The following AGBL4 variants were observed in gnomAD, a reference collection of about 807,000 sequenced individuals.
AGBL4 encodes AGBL carboxypeptidase 4, also known as cytosolic carboxypeptidase 6.
Under a neutral mutation model 66.4 loss-of-function variants are expected in AGBL4, and 58 were observed. The observed-to-expected ratio is 0.87, with a 90% confidence interval of 0.71 to 1.09. The LOEUF is 1.09. AGBL4 is among the 50% of genes least tolerant of loss of function. The pLI is 0.00. For synonymous variants in AGBL4, 234 were observed against 222.9 expected (o/e 1.05, Z -0.44); for missense variants, 579 against 631.0 (o/e 0.92, Z 0.88).
At chr1:49,731,747 C>G (rs1421173526) in intron 2 of AGBL4, among the ~76,000 whole-genome samples, 2 of 151,982 alleles carry the variant, frequency 1.3e-5, no homozygotes, top group Non-Finnish European at 2.9e-5. Context: ...AAATTAATAC[C>G]TTGAAAAGTA....
intron 3 of AGBL4, among the ~76,000 whole-genome samples, chr1:49,692,386 A>C (rs982861184): frequency 1.3e-5 from 2 of 152,152 alleles, no homozygotes; most frequent in Non-Finnish European, 2.9e-5. Flanking sequence ...GGCCAGGATG[A>C]AATTTCAGAG....
chr1:48,817,793 C>G, intron 6 of AGBL4: 1 of 460,102 alleles, frequency 2.2e-6, no homozygotes, highest in Non-Finnish European at 3.9e-6. Context: ...CCCACACATC[C>G]TGATATGTCA....
intron 1 of AGBL4, among the ~76,000 whole-genome samples, chr1:49,931,565 G>A (rs1653365788): frequency 6.6e-6 from 1 of 152,018 alleles, no homozygotes; most frequent in Non-Finnish European, 1.5e-5. Context: ...AACAGCAAGG[G>A]GGAAATTCGC....
intron 3 of AGBL4, among the ~76,000 whole-genome samples, chr1:49,281,426 C>T (rs551288971): frequency 4.9e-4 from 75 of 152,248 alleles, no homozygotes; most frequent in African/African-American, 1.7e-3. Context: ...CACACCAGGA[C>T]TTGTGTGGTT....
At chr1:49,757,457 C>T (rs904193416) in intron 2 of AGBL4, among the ~76,000 whole-genome samples, 4 of 152,048 alleles carry the variant, frequency 2.6e-5, no homozygotes, top group Non-Finnish European at 4.4e-5. Context: ...GACAGAAAAG[C>T]GTGGGAAAGT....
At chr1:48,566,238 T>C (rs1644474003) in intron 11 of AGBL4, among the ~76,000 whole-genome samples, 1 of 152,228 alleles carries the variant, frequency 6.6e-6, no homozygotes, top group East Asian at 1.9e-4. Flanking sequence ...TGCTCAGTTC[T>C]GTCACCGAGC....
intron 3 of AGBL4, among the ~76,000 whole-genome samples, chr1:49,492,038 T>C (rs1647196381): frequency 6.6e-6 from 1 of 151,938 alleles, no homozygotes; most frequent in Non-Finnish European, 1.5e-5. Context: ...GGTCTCTCTC[T>C]CTCCCTCAAA....
At chr1:49,760,112 T>TTGTC (rs35478917) in intron 2 of AGBL4, among the ~76,000 whole-genome samples, 92,345 of 151,556 alleles carry the variant, frequency 0.61, 28,772 homozygotes, top group Middle Eastern at 0.67. Context: ...TTTTTGAAAA[T>TTGTC]TGTTCGTATC....
intron 4 of AGBL4, among the ~76,000 whole-genome samples, chr1:49,111,740 C>T (rs1482535669): frequency 1.3e-5 from 2 of 152,166 alleles, no homozygotes; most frequent in Non-Finnish European, 2.9e-5. Context: ...AAAATCCCAT[C>T]AGATTAAATA....
intron 5 of AGBL4, among the ~76,000 whole-genome samples, chr1:48,998,451 C>T (rs1661172312): frequency 6.6e-6 from 1 of 152,194 alleles, no homozygotes; most frequent in African/African-American, 2.4e-5. Flanking sequence ...CTTTTCTGGG[C>T]ATGTCTAAAC....
At chr1:49,494,334 T>C (rs1647331771) in intron 3 of AGBL4, among the ~76,000 whole-genome samples, 1 of 151,926 alleles carries the variant, frequency 6.6e-6, no homozygotes, top group Non-Finnish European at 1.5e-5. Flanking sequence ...TGCAGGTTAG[T>C]TACATATGTA....
intron 2 of AGBL4, among the ~76,000 whole-genome samples, chr1:49,804,212 G>A (rs935651479): frequency 3.9e-5 from 6 of 152,144 alleles, no homozygotes; most frequent in South Asian, 2.1e-4. Context: ...TAAGCCAGCC[G>A]TGTCCAACCC....
chr1:49,088,881 A>G (rs1456379202), intron 4 of AGBL4, among the ~76,000 whole-genome samples: 1 of 152,150 alleles, frequency 6.6e-6, no homozygotes, highest in African/African-American at 2.4e-5. Flanking sequence ...ATTAAAAAAA[A>G]TCAAAATCAT....
chr1:49,285,159 T>A (rs1481002547), intron 3 of AGBL4, among the ~76,000 whole-genome samples: 1 of 152,148 alleles, frequency 6.6e-6, no homozygotes, highest in East Asian at 1.9e-4. Flanking sequence ...ACAGAGATTA[T>A]AACAAACTGT....
chr1:48,628,455 G>A (rs199557505), intron 9 of AGBL4, among the ~76,000 whole-genome samples: 60 of 151,570 alleles, frequency 4.0e-4, no homozygotes, highest in Admixed American at 3.3e-3. Context: ...TTTTTTTTTA[G>A]TCGTGATATT....
At chr1:49,435,986 G>A (rs551887486) in intron 3 of AGBL4, among the ~76,000 whole-genome samples, 31 of 152,250 alleles carry the variant, frequency 2.0e-4, no homozygotes, top group Admixed American at 5.9e-4. Flanking sequence ...AAAGGTGCTG[G>A]ATCTATAAAA....
rs564656117 is a variant in AGBL4 at position 48,736,885 on chromosome 1, A to C, written c.635-73644T>G. Among the ~76,000 whole-genome samples the C allele has an allele frequency of 2.0e-4, 30 of 152,180 alleles. No homozygotes were observed. The highest frequency in any genetic ancestry group is 3.8e-4 in the Non-Finnish European group (26 of 68,038). ...AACTTCTTTCTGTGTTACACTATGGAAAGACCCACCTTCCTTTAATGTGAA... is the reference window on the plus strand; with the variant it reads ...AACTTCTTTCTGTGTTACACTATGGCAAGACCCACCTTCCTTTAATGTGAA... On this transcript the variant is annotated intron_variant, in intron 6 of 13. Transcript: ENST00000371839. This position sits in a 1 kb window ranked among gnomAD's most constrained non-coding sequence, Gnocchi z 4.0.
intron 3 of AGBL4, among the ~76,000 whole-genome samples, chr1:49,392,741 T>C (rs1489471131): frequency 6.6e-6 from 1 of 151,268 alleles, no homozygotes; most frequent in African/African-American, 2.4e-5. Flanking sequence ...ACACATCATA[T>C]ACATGCATAG....
At chr1:49,624,377 T>C (rs968465602) in intron 3 of AGBL4, among the ~76,000 whole-genome samples, 1 of 152,206 alleles carries the variant, frequency 6.6e-6, no homozygotes, top group Non-Finnish European at 1.5e-5. Flanking sequence ...AGCAAACTAA[T>C]GTCTGCTGCA....
Sources: gnomAD v4.1 joint callset for allele counts (sites outside exome capture counted in the v4.1 genomes callset) on GRCh38, gnomAD v4.1.1 for gene constraint, Gnocchi (gnomAD v3.1) non-coding constraint, MANE v1.5 for transcripts, NCBI Gene and HGNC (gene_info 2026-07-23, HGNC 2026-07-21) for gene names.